Variants in KIDINS220 observed in about 807,000 individuals in gnomAD.
KIDINS220 encodes kinase D-interacting substrate of 220 kDa.
In KIDINS220, 63 loss-of-function variants were observed where a neutral mutation model predicts 157.6. The ratio of observed to expected loss-of-function variants is 0.40; its 90% CI spans 0.33 to 0.49. KIDINS220 has a LOEUF of 0.49. Among genes scored for constraint, KIDINS220 ranks in the 20% least tolerant of loss-of-function variants. The pLI, the probability that KIDINS220 is intolerant of heterozygous loss-of-function variation, is 0.66. For synonymous variants in KIDINS220, 732 were observed against 783.6 expected (o/e 0.93, Z 1.10); for missense variants, 1,772 against 2,171.2 (o/e 0.82, Z 3.65).
At chr2:8,787,394 G>C (rs1672570568) in intron 15 of KIDINS220, among the ~76,000 whole-genome samples, 3 of 149,416 alleles carry the variant, frequency 2.0e-5, no homozygotes, top group Admixed American at 1.3e-4. Context: ...TTTTGAGCAG[G>C]GTCTCACTTT....
chr2:8,804,693 C>T (rs1675196292), intron 7 of KIDINS220, among the ~76,000 whole-genome samples: 1 of 152,014 alleles, frequency 6.6e-6, no homozygotes, highest in South Asian at 2.1e-4. Context: ...TATTAAAAAC[C>T]ATTTGATTTG....
chr2:8,752,198 T>A (rs992474932), intron 22 of KIDINS220, among the ~76,000 whole-genome samples: 1 of 152,102 alleles, frequency 6.6e-6, no homozygotes, highest in African/African-American at 2.4e-5. Context: ...TTTTGTATTT[T>A]TCTATACAGA....
chr2:8,807,220 C>T (rs1452222567), intron 6 of KIDINS220, among the ~76,000 whole-genome samples: 1 of 152,192 alleles, frequency 6.6e-6, no homozygotes, highest in Non-Finnish European at 1.5e-5. Context: ...AAACTGCACT[C>T]AAAAGCACCT....
downstream of KIDINS220, chr2:8,727,169 GAT>G (rs1464052260): frequency 2.2e-5 from 25 of 1,160,262 alleles, no homozygotes; most frequent in Non-Finnish European, 2.4e-5. Context: ...CTCAAAACGC[GAT>G]AGTCTCAGAG....
rs777705425 is a variant in KIDINS220 at position 8,757,679 on chromosome 2, T to C, written c.3012-6035A>G. 21 of 1,612,432 alleles carry C rather than the reference T, an allele frequency of 1.3e-5. No individual in the cohort carries two copies. In the Admixed American group the frequency reaches 3.3e-4, roughly 26 times the overall value. Reference sequence around the variant, plus strand: ...ATGGCCTGTTCCATGTCCTGCTTATTTGCAAATGCCATTAAAATGGCTTTT... The same window carrying C: ...ATGGCCTGTTCCATGTCCTGCTTATCTGCAAATGCCATTAAAATGGCTTTT... On this transcript the variant is annotated intron_variant, in intron 22 of 29. Transcript: ENST00000256707.
At chr2:8,780,508 GTGTGTGTGTGTC>G (rs1671543216) in intron 17 of KIDINS220, among the ~76,000 whole-genome samples, 2 of 78,206 alleles carry the variant, frequency 2.6e-5, no homozygotes, top group South Asian at 7.8e-4. Flanking sequence ...GCTTATATAT[GTGTGTGTGTGTC>G]TGTGTGTGTG....
Position 8,747,998 on chromosome 2 carries a change from T to C in KIDINS220, c.3417A>G (p.Pro1139=). The change falls in exon 25 of 30, where the codon CCA becomes CCG. Residue 1139 remains proline, a splice_region_variant and synonymous_variant. Transcript: ENST00000256707. ...TGPQHPFYNR[P]FFAPYLYTPR... Reference sequence around the variant, plus strand: ...GCGTGTAAAGGTATGGGGCAAAGAATGGCTATGGAAAAACATGTAACAAAA... The same window carrying C: ...GCGTGTAAAGGTATGGGGCAAAGAACGGCTATGGAAAAACATGTAACAAAA... 1 of 1,543,512 alleles carries C rather than the reference T, an allele frequency of 6.5e-7. No individual in the cohort carries two copies. The highest frequency in any genetic ancestry group is 8.7e-7 in the Non-Finnish European group (1 of 1,146,424).
chr2:8,801,750 A>C (rs927441287), intron 8 of KIDINS220, among the ~76,000 whole-genome samples: 2 of 152,108 alleles, frequency 1.3e-5, no homozygotes, highest in Non-Finnish European at 2.9e-5. Context: ...TCAAAACAAA[A>C]CAAGAATTAG....
At chr2:8,795,719 A>T (rs529984433) in intron 11 of KIDINS220, among the ~76,000 whole-genome samples, 1 of 152,372 alleles carries the variant, frequency 6.6e-6, no homozygotes, top group African/African-American at 2.4e-5. Context: ...CTTATTAATG[A>T]GTATAAAGCA....
Position 8,740,161 on chromosome 2 carries a change from T to C in KIDINS220, c.3586-3162A>G, listed in dbSNP as rs545804957. On this transcript the variant is annotated intron_variant, in intron 26 of 29. Transcript: ENST00000256707. ...TTGAGAGTTTCTGTACCTGTCTCTG[T>C]TTGTTAAACCCAGAGTCACACAGCT... 1,809 of 984,114 alleles carry C rather than the reference T, an allele frequency of 1.8e-3. No homozygotes were observed. The highest frequency in any genetic ancestry group is 3.1e-3 in the South Asian group (65 of 21,258). The allele number at this position is 984,114 out of a possible 1,614,324, so 61.0% of individuals were successfully genotyped here.
At chr2:8,830,367 C>CT (rs1163573161) in intron 1 of KIDINS220, among the ~76,000 whole-genome samples, 2 of 152,190 alleles carry the variant, frequency 1.3e-5, no homozygotes, top group Non-Finnish European at 2.9e-5. Flanking sequence ...AGACCAACTA[C>CT]TTCTACACAA....
intron 26 of KIDINS220, among the ~76,000 whole-genome samples, chr2:8,742,356 C>T (rs912888995): frequency 6.6e-6 from 1 of 151,998 alleles, no homozygotes; most frequent in Non-Finnish European, 1.5e-5. Context: ...CTGCCTCAGC[C>T]TTCCTAAGTG....
At position 8,750,229 on chromosome 2, in the gene KIDINS220, T is replaced by C. The variant is rs1377765493; in HGVS notation, c.3297A>G (p.Pro1099=). The part of the protein sequence containing the change: ...PRAPSGYSQP[P]SVCSSTSFNG... The stretch of plus-strand genomic sequence containing the variant: ...TGAAGGACGTGGAAGAGCACACGGA[T>C]GGGGGCTGGCTGTACCCTGATGGCG... Residue 1099 remains proline (P), a synonymous_variant, in exon 24 of 30, where the codon CCA becomes CCG. Coordinates refer to ENST00000256707, the MANE Select transcript of KIDINS220 (RefSeq NM_020738.4). 4.3e-6 allele frequency: 7 copies of C among 1,614,182 alleles called. No individual in the cohort carries two copies. Among genetic ancestry groups the C allele is most frequent in the Admixed American group, 1.7e-5 (1 of 60,020 alleles).
Position 8,779,132 on chromosome 2 carries a change from A to G in KIDINS220, c.2378T>C (p.Val793Ala), listed in dbSNP as rs1361200452. The change falls in exon 19 of 30, where the codon GTT becomes GCT. Residue 793 changes from valine (V) to alanine (A), a missense_variant. Val to Ala is a moderately conservative substitution (Grantham distance 64). Transcript: ENST00000256707. ...AATGAACGGGCCTTTTGAAAACAGA[A>G]CTCGGACCTGTGGCAGAAGAAATGT... Reference protein sequence around the residue: ...KVLQMLDTVRVLFSKGPFIAI... With the variant: ...KVLQMLDTVRALFSKGPFIAI... 1 of 1,612,710 alleles carries G rather than the reference A, an allele frequency of 6.2e-7. No homozygotes were observed. The highest frequency in any genetic ancestry group is 1.1e-5 in the South Asian group (1 of 91,078).
chr2:8,822,738 T>A (rs1678179822), intron 2 of KIDINS220, among the ~76,000 whole-genome samples: 1 of 152,202 alleles, frequency 6.6e-6, no homozygotes, highest in Non-Finnish European at 1.5e-5. Context: ...TCAACACTAT[T>A]CCCTTATACC....
At chr2:8,766,285 T>G (rs1178634984) in intron 22 of KIDINS220, among the ~76,000 whole-genome samples, 1 of 152,190 alleles carries the variant, frequency 6.6e-6, no homozygotes, top group Non-Finnish European at 1.5e-5. Flanking sequence ...GGCCCGGAAC[T>G]GTTCCCTCTG....
chr2:8,747,237 G>C (rs1666711135), intron 25 of KIDINS220, 36 bp from the exon 26 acceptor site: 4 of 1,589,826 alleles, frequency 2.5e-6, no homozygotes, highest in South Asian at 1.1e-5. Context: ...GGGTGAAAAG[G>C]GGAAGGGGGG....
chr2:8,761,103 T>C lies in KIDINS220; in HGVS notation c.3012-9459A>G, dbSNP rs530615822. ...TTTAAAATGTTCCGACAAAAGTACATGAGATCAAATTTTCATAGCTGTTTT... is the reference window on the plus strand; with the variant it reads ...TTTAAAATGTTCCGACAAAAGTACACGAGATCAAATTTTCATAGCTGTTTT... On this transcript the variant is annotated intron_variant, in intron 22 of 29. Transcript: ENST00000256707. 4.6e-5 allele frequency among the ~76,000 whole-genome samples: 7 copies of C among 152,296 alleles called. No individual in the cohort carries two copies. The South Asian group carries it at 1.5e-3, about 32-fold the overall frequency.
chr2:8,729,225 T>G lies in KIDINS220; in HGVS notation c.*1495A>C, dbSNP rs1420963639. 1.0e-6 allele frequency: 1 copy of G among 985,314 alleles called. No individual in the cohort carries two copies. The allele number at this position is 985,314 out of a possible 1,614,324, so 61.0% of individuals were successfully genotyped here. ...TAAACACTGTATTAAAATGCTAGAT[T>G]ACACTCAAACATCAAGGCAATGAAA... On this transcript the variant is annotated 3_prime_UTR_variant, in exon 30 of 30. Transcript: ENST00000256707.
Sources: allele counts gnomAD v4.1 joint callset (sites outside exome capture counted in the v4.1 genomes callset), GRCh38; gene constraint gnomAD v4.1.1; transcripts MANE v1.5; gene names NCBI Gene and HGNC (gene_info 2026-07-23, HGNC 2026-07-21).